Variants in CCSER1 observed in about 807,000 individuals in gnomAD.
CCSER1 encodes coiled-coil serine rich protein 1.
Under a neutral mutation model 82.0 loss-of-function variants are expected in CCSER1, and 41 were observed. That is an observed-to-expected ratio of 0.50 (90% CI 0.39 to 0.65). The LOEUF (loss-of-function observed/expected upper bound fraction) is 0.65. CCSER1 is among the 30% of genes least tolerant of loss of function. The pLI is 0.00. For missense variants in CCSER1, 1,119 were observed against 1,064.2 expected (o/e 1.05, Z -0.72); for synonymous variants, 414 against 383.9 (o/e 1.08, Z -0.92).
At chr4:91,232,858 T>C (rs921744369) in intron 10 of CCSER1, among the ~76,000 whole-genome samples, 2 of 151,814 alleles carry the variant, frequency 1.3e-5, no homozygotes, top group African/African-American at 4.8e-5. Context: ...GGTAAAACTC[T>C]ATTACCGATA....
At chr4:90,913,987 C>T (rs1726869500) in intron 8 of CCSER1, among the ~76,000 whole-genome samples, 1 of 152,190 alleles carries the variant, frequency 6.6e-6, no homozygotes, top group African/African-American at 2.4e-5. Context: ...CACCCAGATT[C>T]ATAAAGCAAG....
At position 90,458,100 on chromosome 4, in the gene CCSER1, C is replaced by A. The variant is rs1762416608; in HGVS notation, c.1604-10134C>A. On this transcript the variant is annotated intron_variant, in intron 4 of 10. Coordinates refer to ENST00000509176, the MANE Select transcript of CCSER1 (RefSeq NM_001145065.2). ...CAGGGAAATTTCAGGCAGCAGGAGCCTGCTGAGATCAGGGGAATTCCTGGG... is the reference window on the plus strand; with the variant it reads ...CAGGGAAATTTCAGGCAGCAGGAGCATGCTGAGATCAGGGGAATTCCTGGG... Among the ~76,000 whole-genome samples, 3 of 152,132 alleles carry A rather than the reference C, an allele frequency of 2.0e-5. No individual in the cohort carries two copies. The South Asian group carries it at 6.2e-4, about 32-fold the overall frequency.
intron 1 of CCSER1, among the ~76,000 whole-genome samples, chr4:90,231,729 T>G (rs945620738): frequency 6.6e-6 from 1 of 152,212 alleles, no homozygotes; most frequent in African/African-American, 2.4e-5. Flanking sequence ...AACTCCATTG[T>G]CTTAGCCCAA....
intron 5 of CCSER1, among the ~76,000 whole-genome samples, chr4:90,585,276 A>T (rs1327254843): frequency 4.6e-5 from 7 of 152,210 alleles, no homozygotes; most frequent in Admixed American, 2.0e-4. Context: ...GCGAAAACGT[A>T]AAATGGTACT....
At chr4:90,989,587 C>T (rs1288351557) in intron 9 of CCSER1, among the ~76,000 whole-genome samples, 1 of 151,768 alleles carries the variant, frequency 6.6e-6, no homozygotes, top group East Asian at 1.9e-4. Context: ...AAAAGACTGA[C>T]ATGCAGAAAT....
intron 1 of CCSER1, among the ~76,000 whole-genome samples, chr4:90,227,226 G>T (rs1490075284): frequency 6.6e-6 from 1 of 152,180 alleles, no homozygotes; most frequent in African/African-American, 2.4e-5. Flanking sequence ...AATATGATCT[G>T]TAGTTTGTTT....
At chr4:90,274,400 T>C (rs913551109) in intron 1 of CCSER1, among the ~76,000 whole-genome samples, 3 of 152,152 alleles carry the variant, frequency 2.0e-5, no homozygotes, top group Non-Finnish European at 2.9e-5. Context: ...GTGTGTCTTT[T>C]CTTATCACTT....
At chr4:90,159,020 G>T (rs1339714919) in intron 1 of CCSER1, among the ~76,000 whole-genome samples, 2 of 151,988 alleles carry the variant, frequency 1.3e-5, no homozygotes, top group Non-Finnish European at 2.9e-5. Context: ...GGCCATCTTG[G>T]CTCCGACCTC....
intron 7 of CCSER1, among the ~76,000 whole-genome samples, chr4:90,730,732 A>G (rs780954516): frequency 2.0e-5 from 3 of 152,194 alleles, no homozygotes; most frequent in Non-Finnish European, 4.4e-5. Context: ...CATAATGAAG[A>G]AAGGGAGAAA....
intron 3 of CCSER1, among the ~76,000 whole-genome samples, chr4:90,361,858 CACTG>C (rs1297670997): frequency 5.3e-5 from 8 of 152,204 alleles, no homozygotes; most frequent in Non-Finnish European, 4.4e-5. Flanking sequence ...TAAGCAGAGG[CACTG>C]ACTATCTTCA....
At chr4:91,167,772 G>C (rs1410996665) in intron 10 of CCSER1, among the ~76,000 whole-genome samples, 1 of 152,178 alleles carries the variant, frequency 6.6e-6, no homozygotes, top group African/African-American at 2.4e-5. Context: ...TAAAATTTGA[G>C]TCTCTTTCTA....
At chr4:90,880,819 G>A (rs557644505) in intron 8 of CCSER1, among the ~76,000 whole-genome samples, 23 of 152,146 alleles carry the variant, frequency 1.5e-4, no homozygotes, top group Admixed American at 5.9e-4. Flanking sequence ...GCACTTCGCT[G>A]GGCTGGGGAG....
At chr4:90,979,073 T>C (rs1241029153) in intron 9 of CCSER1, among the ~76,000 whole-genome samples, 1 of 151,788 alleles carries the variant, frequency 6.6e-6, no homozygotes, top group Admixed American at 6.6e-5. Flanking sequence ...CCTTTCATAG[T>C]TCTAAGTTAT....
At chr4:91,363,002 A>G (rs1256491456) in intron 10 of CCSER1, among the ~76,000 whole-genome samples, 1 of 151,828 alleles carries the variant, frequency 6.6e-6, no homozygotes, top group Admixed American at 6.6e-5. Context: ...TCAGACCCTC[A>G]TTGTATCCAT....
chr4:90,889,951 G>A (rs1722721948), intron 8 of CCSER1, among the ~76,000 whole-genome samples: 1 of 152,064 alleles, frequency 6.6e-6, no homozygotes, highest in Non-Finnish European at 1.5e-5. Flanking sequence ...ACTTATTAGT[G>A]ATGCCTAAAA....
At chr4:90,266,163 A>T (rs1209811333) in intron 1 of CCSER1, among the ~76,000 whole-genome samples, 2 of 152,188 alleles carry the variant, frequency 1.3e-5, no homozygotes, top group African/African-American at 2.4e-5. Context: ...CATTTATCTT[A>T]CATTTCAATA....
intron 10 of CCSER1, among the ~76,000 whole-genome samples, chr4:91,528,318 G>A (rs1034689666): frequency 6.6e-6 from 1 of 152,148 alleles, no homozygotes; most frequent in Non-Finnish European, 1.5e-5. Flanking sequence ...AATTAAGAAA[G>A]TGATGGTATA....
chr4:90,393,470 T>C (rs1442608751), intron 3 of CCSER1, among the ~76,000 whole-genome samples: 1 of 152,178 alleles, frequency 6.6e-6, no homozygotes, highest in Non-Finnish European at 1.5e-5. Flanking sequence ...AAACGTCTTA[T>C]TAATTTAAAT....
chr4:91,140,142 A>C (rs1482721430), intron 10 of CCSER1, among the ~76,000 whole-genome samples: 1 of 152,080 alleles, frequency 6.6e-6, no homozygotes, highest in Non-Finnish European at 1.5e-5. Context: ...AATTATTTTT[A>C]GATTTAAACT....
Sources: gnomAD v4.1 joint callset for allele counts (sites outside exome capture counted in the v4.1 genomes callset) on GRCh38, gnomAD v4.1.1 for gene constraint, MANE v1.5 for transcripts, NCBI Gene and HGNC (gene_info 2026-07-23, HGNC 2026-07-21) for gene names.